Variants in TLE4 observed in about 807,000 individuals in gnomAD.
The protein encoded by TLE4 is transducin-like enhancer protein 4.
Under a neutral mutation model 92.8 loss-of-function variants are expected in TLE4, and 8 were observed. The ratio of observed to expected loss-of-function variants is 0.09; its 90% CI spans 0.05 to 0.16. The LOEUF is 0.16. TLE4 is among the 10% of genes least tolerant of loss of function. TLE4 has a pLI of 1.00. For missense variants in TLE4, 675 were observed against 997.6 expected, an observed-to-expected ratio of 0.68 and a Z score of 4.36; for synonymous variants, 371 against 374.1, an observed-to-expected ratio of 0.99 and a Z score of 0.10.
At chr9:79,588,616 A>C (rs1333738409) in intron 4 of TLE4, among the ~76,000 whole-genome samples, 1 of 152,052 alleles carries the variant, frequency 6.6e-6, no homozygotes, top group African/African-American at 2.4e-5. Context: ...CACAGATTCT[A>C]CTGTTTGTCC....
intron 6 of TLE4, among the ~76,000 whole-genome samples, chr9:79,642,440 T>G (rs1348445168): frequency 6.6e-6 from 1 of 151,734 alleles, no homozygotes; most frequent in Non-Finnish European, 1.5e-5. Context: ...TTACTTTTTT[T>G]TAAAGTACTC....
chr9:79,647,047 T>C (rs889072654), intron 6 of TLE4, among the ~76,000 whole-genome samples: 2 of 152,170 alleles, frequency 1.3e-5, no homozygotes, highest in Non-Finnish European at 2.9e-5. Flanking sequence ...TAATAACAAA[T>C]GAAAAAGCTT....
At chr9:79,689,026 A>G (rs1052031163) in intron 8 of TLE4, among the ~76,000 whole-genome samples, 8 of 152,142 alleles carry the variant, frequency 5.3e-5, no homozygotes, top group African/African-American at 1.9e-4. Flanking sequence ...AGAGTAATGC[A>G]TTTCTCTACC....
At chr9:79,575,485 A>G (rs2131857425) in intron 3 of TLE4, among the ~76,000 whole-genome samples, 1 of 152,258 alleles carries the variant, frequency 6.6e-6, no homozygotes, top group East Asian at 1.9e-4. Context: ...GTAGTGTTAT[A>G]TTGGTTTGAG....
chr9:79,659,210 C>T (rs2060185686), intron 8 of TLE4, among the ~76,000 whole-genome samples: 1 of 152,194 alleles, frequency 6.6e-6, no homozygotes, highest in Non-Finnish European at 1.5e-5. Context: ...CAGTTTCATT[C>T]TCAGTTATTA....
intron 4 of TLE4, among the ~76,000 whole-genome samples, chr9:79,578,051 C>T (rs1041219582): frequency 9.9e-5 from 15 of 152,250 alleles, no homozygotes; most frequent in African/African-American, 3.6e-4. Flanking sequence ...TTATGAAATA[C>T]AGACAGCCCT....
chr9:79,632,102 G>T lies in TLE4; in HGVS notation c.390+4654G>T, dbSNP rs542649904. Among the ~76,000 whole-genome samples the T allele has an allele frequency of 2.1e-4, 32 of 152,242 alleles. No individual in the cohort carries two copies. The East Asian group carries it at 6.2e-3, about 29-fold the overall frequency. The stretch of plus-strand genomic sequence containing the variant: ...GACAGCACCTCCAGTCAGCCATAGC[G>T]CGAAGTGCTTGCTTTCCCCCAGTGC... On this transcript the variant is annotated intron_variant, in intron 6 of 19. Transcript: ENST00000376552.
intron 4 of TLE4, among the ~76,000 whole-genome samples, chr9:79,596,833 G>C (rs905668661): frequency 1.3e-5 from 2 of 152,154 alleles, no homozygotes; most frequent in African/African-American, 2.4e-5. Flanking sequence ...ATGGAGTCCA[G>C]AATCATTTTG....
At chr9:79,625,944 G>A (rs1257403326) in intron 5 of TLE4, among the ~76,000 whole-genome samples, 1 of 150,752 alleles carries the variant, frequency 6.6e-6, no homozygotes, top group Non-Finnish European at 1.5e-5. Context: ...CTCCTGCTTT[G>A]AAAATGGAAT....
At chr9:79,685,442 A>G (rs942333110) in intron 8 of TLE4, among the ~76,000 whole-genome samples, 19 of 152,206 alleles carry the variant, frequency 1.2e-4, no homozygotes, top group African/African-American at 4.6e-4. Flanking sequence ...TTTCAGCATT[A>G]AAATGTTAGG....
chr9:79,704,957 C>G, intron 9 of TLE4, 55 bp downstream of exon 9: 1 of 1,605,376 alleles, frequency 6.2e-7, no homozygotes, highest in Non-Finnish European at 8.5e-7. Flanking sequence ...TTATCTGCAG[C>G]CATTTTACCC....
At chr9:79,674,513 C>A (rs1720372264) in intron 8 of TLE4, among the ~76,000 whole-genome samples, 2 of 152,236 alleles carry the variant, frequency 1.3e-5, no homozygotes. Flanking sequence ...GGAGCCCCAG[C>A]AAGGGGCCTG....
At chr9:79,683,386 G>T (rs1246083540) in intron 8 of TLE4, among the ~76,000 whole-genome samples, 1 of 152,162 alleles carries the variant, frequency 6.6e-6, no homozygotes, top group Non-Finnish European at 1.5e-5. Context: ...ATTAAATTGA[G>T]CGTAAACATG....
intron 5 of TLE4, among the ~76,000 whole-genome samples, chr9:79,618,068 A>T (rs1216055930): frequency 6.6e-6 from 1 of 152,188 alleles, no homozygotes; most frequent in African/African-American, 2.4e-5. Flanking sequence ...GCACTTAGTT[A>T]CCTGCCCACA....
chr9:79,627,614 A>G (rs2052958070), intron 6 of TLE4, 166 bp downstream of exon 6: 5 of 670,186 alleles, frequency 7.5e-6, no homozygotes, highest in Non-Finnish European at 1.0e-5. Flanking sequence ...TGGCTGCCTT[A>G]GAAACTTTGG....
At position 79,582,812 on chromosome 9, in the gene TLE4, G is replaced by C. The variant is rs560279987; in HGVS notation, c.252+6635G>C. 7.2e-5 allele frequency among the ~76,000 whole-genome samples: 11 copies of C among 152,180 alleles called. No individual in the cohort carries two copies. In the South Asian group the frequency reaches 2.3e-3, roughly 32 times the overall value. ...AAAATGACTCCAGCGTTCCAGCAAT[G>C]GTGGTAGGTTCAGTGGTCCTATACT... On this transcript the variant is annotated intron_variant, in intron 4 of 19. Coordinates refer to ENST00000376552, the MANE Select transcript of TLE4 (RefSeq NM_007005.6).
At chr9:79,673,327 C>G (rs1055775710) in intron 8 of TLE4, among the ~76,000 whole-genome samples, 1 of 152,148 alleles carries the variant, frequency 6.6e-6, no homozygotes, top group African/African-American at 2.4e-5. Context: ...AAATATCCCT[C>G]TAACCAAACA....
intron 8 of TLE4, among the ~76,000 whole-genome samples, chr9:79,696,971 T>A (rs4401952): frequency 1.3e-5 from 2 of 152,174 alleles, no homozygotes; most frequent in Admixed American, 6.5e-5. Context: ...ACATGAGATT[T>A]GCCAGTGAGA....
chr9:79,648,129 T>C (rs1334132458), intron 6 of TLE4, among the ~76,000 whole-genome samples: 2 of 152,172 alleles, frequency 1.3e-5, no homozygotes, highest in Non-Finnish European at 2.9e-5. Flanking sequence ...AAGTCTTGAA[T>C]GCTAAGAAAT....
Sources: gnomAD v4.1 joint callset for allele counts (sites outside exome capture counted in the v4.1 genomes callset) on GRCh38, gnomAD v4.1.1 for gene constraint, MANE v1.5 for transcripts, NCBI Gene and HGNC (gene_info 2026-07-23, HGNC 2026-07-21) for gene names.